The following GSTA2 variants were observed in gnomAD, a reference collection of about 807,000 sequenced individuals.
GSTA2 encodes the protein glutathione S-transferase A2.
Under a neutral mutation model 22.4 loss-of-function variants are expected in GSTA2, and 27 were observed. The observed-to-expected ratio is 1.21, with a 90% CI of 0.89 to 1.67. The LOEUF is 1.67. Ranked by LOEUF, GSTA2 falls within the 40% of genes most tolerant of loss-of-function variation. The probability of loss-of-function intolerance (pLI) is 0.00; values close to 1 mark genes in which losing one functional copy is unlikely to be tolerated. For missense variants in GSTA2, 302 were observed against 260.2 expected (o/e 1.16, Z -1.11); for synonymous variants, 121 against 86.8 (o/e 1.39, Z -2.19).
intron 1 of GSTA2, among the ~76,000 whole-genome samples, chr6:52,759,563 GTTTTTTTTTTTTTTTTTTT>G (rs70977382): frequency 2.1e-3 from 71 of 34,168 alleles, no homozygotes; most frequent in Non-Finnish European, 3.3e-3. Flanking sequence ...GTATTTATTT[GTTTTTTTTTTTTTTTTTTT>G]TTTTTTTTTT....
intron 5 of GSTA2, among the ~76,000 whole-genome samples, 160 bp from the exon 6 acceptor site, chr6:52,751,868 T>G (rs1375636668): frequency 3.9e-5 from 6 of 152,218 alleles, no homozygotes; most frequent in Non-Finnish European, 8.8e-5. Flanking sequence ...ATGAATGAGA[T>G]AGTAAGAAGT....
chr6:52,755,207 T>G, intron 3 of GSTA2, 132 bp from the exon 4 acceptor site: 4 of 1,141,934 alleles, frequency 3.5e-6, no homozygotes, highest in Non-Finnish European at 4.8e-6. Context: ...AGAGTTCACT[T>G]GAAACAACTT....
Position 52,758,002 on chromosome 6 carries a change from A to G in GSTA2, c.-30-25T>C, listed in dbSNP as rs1762880915. On this transcript the variant is annotated intron_variant, in intron 1 of 6. Coordinates refer to ENST00000493422, the MANE Select transcript of GSTA2 (RefSeq NM_000846.5). Reference sequence around the variant, plus strand: ...CCTGAGTGAATGAATGAATGAATGAATGAATAATTGAAACGATAGAATCAA... The same window carrying G: ...CCTGAGTGAATGAATGAATGAATGAGTGAATAATTGAAACGATAGAATCAA... 2.4e-6 allele frequency: 3 copies of G among 1,274,572 alleles called. No individual in the cohort carries two copies. In the Admixed American group the frequency reaches 5.3e-5, roughly 23 times the overall value. 79.0% of individuals were successfully genotyped at this position (1,274,572 alleles called of 1,614,324 possible). A position where few individuals can be genotyped will look rare whatever the true frequency, so the allele number is the denominator to read the frequency against.
intron 1 of GSTA2, among the ~76,000 whole-genome samples, chr6:52,758,738 T>C (rs1227765290): frequency 2.0e-5 from 3 of 152,240 alleles, no homozygotes; most frequent in Non-Finnish European, 4.4e-5. Flanking sequence ...TTCTGTATTC[T>C]AACTCTATGG....
chr6:52,751,900 T>C (rs147703618), intron 5 of GSTA2, among the ~76,000 whole-genome samples, 192 bp from the exon 6 acceptor site: 20 of 152,336 alleles, frequency 1.3e-4, no homozygotes, highest in Non-Finnish European at 2.5e-4. Flanking sequence ...CACTCCTCAG[T>C]TGGAGCTCAG....
At chr6:52,753,661 T>G (rs1351566876) in intron 4 of GSTA2, among the ~76,000 whole-genome samples, 2 of 152,168 alleles carry the variant, frequency 1.3e-5, no homozygotes, top group African/African-American at 4.8e-5. Flanking sequence ...CAAACTTTTC[T>G]TCTTTTGTGT....
chr6:52,751,674 C>A lies in GSTA2; in HGVS notation c.449G>T (p.Gly150Val). 2.5e-6 allele frequency: 4 copies of A among 1,614,140 alleles called. No homozygotes were observed. The highest frequency in any genetic ancestry group is 2.5e-6 in the Non-Finnish European group (3 of 1,180,008). ...AATGTCAGCCCGGCTCAGCTTGTTG[C>A]CAACAAGGTAGTCTTGTCCGTGGCT... ...LKSHGQDYLV[G>V]NKLSRADIHL... Residue 150 changes from glycine (G) to valine (V), a missense_variant, in exon 6 of 7, where the codon GGC becomes GTC. By Grantham distance (109) the Gly-to-Val change is moderately radical. Transcript: ENST00000493422.
chr6:52,758,418 A>G (rs1762888426), intron 1 of GSTA2, among the ~76,000 whole-genome samples: 1 of 152,166 alleles, frequency 6.6e-6, no homozygotes, highest in South Asian at 2.1e-4. Context: ...ATGGAACATC[A>G]GAGAAATACA....
chr6:52,756,996 C>G (rs1762856896), intron 2 of GSTA2, among the ~76,000 whole-genome samples: 1 of 141,768 alleles, frequency 7.1e-6, no homozygotes, highest in South Asian at 2.5e-4. Context: ...AAGCCTCCTC[C>G]CCTCATTTTA....
At chr6:52,758,521 C>G (rs980576168) in intron 1 of GSTA2, among the ~76,000 whole-genome samples, 2 of 152,104 alleles carry the variant, frequency 1.3e-5, no homozygotes, top group African/African-American at 4.8e-5. Flanking sequence ...TGGGTGAAGG[C>G]CCTGGGAACC....
rs531621484 is a variant in GSTA2 at position 52,761,710 on chromosome 6, C to T, written c.-31+1734G>A. Among the ~76,000 whole-genome samples, 11 of 150,580 alleles carry T rather than the reference C, an allele frequency of 7.3e-5. No individual in the cohort carries two copies. In the East Asian group the frequency reaches 1.9e-3, roughly 27 times the overall value. On this transcript the variant is annotated intron_variant, in intron 1 of 6. Transcript: ENST00000493422. ...GGTCATGTAGTCCCATGGTTCTCAACCAGGGGGATTTTGTTCCTCTGCTCC... is the reference window on the plus strand; with the variant it reads ...GGTCATGTAGTCCCATGGTTCTCAATCAGGGGGATTTTGTTCCTCTGCTCC...
chr6:52,755,736 G>T, intron 3 of GSTA2, among the ~76,000 whole-genome samples: 1 of 151,660 alleles, frequency 6.6e-6, no homozygotes, highest in East Asian at 1.9e-4. Flanking sequence ...GATGTTCCCA[G>T]AGTAAGTCTC....
At position 52,755,166 on chromosome 6, in the gene GSTA2, T is replaced by G; in HGVS notation, c.140-91A>C. 4.5e-6 allele frequency: 7 copies of G among 1,543,430 alleles called. No homozygotes were observed. In the South Asian group the frequency reaches 6.1e-5, roughly 13 times the overall value. On this transcript the variant is annotated intron_variant, in intron 3 of 6. Coordinates refer to ENST00000493422, the MANE Select transcript of GSTA2 (RefSeq NM_000846.5). ...AAATGGTTGTTGAAATGACTAAATT[T>G]GTAAAACGAAAAAGAAATTACTGCC...
intron 4 of GSTA2, among the ~76,000 whole-genome samples, chr6:52,754,636 T>C (rs1390931977): frequency 6.6e-6 from 1 of 152,140 alleles, no homozygotes; most frequent in Non-Finnish European, 1.5e-5. Flanking sequence ...GCCTCTGAAG[T>C]CCTGAGCACC....
chr6:52,755,261 C>T (rs1037941359), intron 3 of GSTA2, among the ~76,000 whole-genome samples, 186 bp from the exon 4 acceptor site: 1 of 144,748 alleles, frequency 6.9e-6, no homozygotes, highest in African/African-American at 2.6e-5. Context: ...GTTGTCCAGG[C>T]TGGAGTGGAG....
chr6:52,758,321 C>T (rs1464525127), intron 1 of GSTA2, among the ~76,000 whole-genome samples: 2 of 152,190 alleles, frequency 1.3e-5, no homozygotes, highest in East Asian at 3.8e-4. Context: ...GTGATCCTTC[C>T]TCAATGCTAG....
At position 52,756,332 on chromosome 6, in the gene GSTA2, T is replaced by C. The variant is rs144756944; in HGVS notation, c.88-23A>G. ...AAACTGGAAGCAGAAACAGTAAATA[T>C]GTTCTTGTTAGTTCATTCTATTATA... On this transcript the variant is annotated intron_variant, in intron 2 of 6. Transcript: ENST00000493422. 1.4e-4 allele frequency: 216 copies of C among 1,570,090 alleles called. No homozygotes were observed. In the African/African-American group the frequency reaches 1.5e-3, roughly 11 times the overall value.
chr6:52,753,719 C>T (rs1436174171), intron 4 of GSTA2, among the ~76,000 whole-genome samples: 12 of 152,196 alleles, frequency 7.9e-5, no homozygotes, highest in Non-Finnish European at 1.5e-5. Context: ...TTTACTGATG[C>T]ATATTCACAT....
chr6:52,757,331 C>A (rs944059833), intron 2 of GSTA2, among the ~76,000 whole-genome samples: 1 of 131,952 alleles, frequency 7.6e-6, no homozygotes, highest in African/African-American at 2.9e-5. Flanking sequence ...ATACTTCTCA[C>A]CTAGAATCAA....
Sources: allele counts gnomAD v4.1 joint callset (sites outside exome capture counted in the v4.1 genomes callset), GRCh38; gene constraint gnomAD v4.1.1; transcripts MANE v1.5; gene names NCBI Gene and HGNC (gene_info 2026-07-23, HGNC 2026-07-21).